Variants in NUP188 observed in about 807,000 individuals in gnomAD.
NUP188 encodes nucleoporin 188.
In NUP188, 97 loss-of-function variants were observed where a neutral mutation model predicts 223.0. The ratio of observed to expected loss-of-function variants is 0.43; its 90% CI spans 0.37 to 0.51. NUP188 has a LOEUF of 0.51. Ranked by LOEUF, NUP188 falls within the 20% of genes least tolerant of loss-of-function variation. NUP188 has a pLI of 0.00. For missense variants in NUP188, 1,947 were observed against 2,175.6 expected, an observed-to-expected ratio of 0.89 and a Z score of 2.09; for synonymous variants, 869 against 828.0, an observed-to-expected ratio of 1.05 and a Z score of -0.85.
chr9:128,983,353 T>C lies in NUP188; in HGVS notation c.1857T>C (p.Thr619=). Residue 619 remains threonine, a synonymous_variant, in exon 18 of 44, where the codon ACT becomes ACC. Transcript: ENST00000372577. ...DVIASCVNCL[T]VLAARNPAKV... is the part of the protein sequence containing the mutation. ...TTGCTTCTTGTGTCAACTGCTTAAC[T>C]GTTTTGGCTGCCCGCAATCCAGCAA... 6.2e-7 allele frequency: 1 copy of C among 1,614,230 alleles called. No homozygotes were observed. Among genetic ancestry groups the C allele is most frequent in the Non-Finnish European group, 8.5e-7 (1 of 1,180,050 alleles).
rs117364376 is a variant in NUP188 at position 128,991,253 on chromosome 9, G to A, written c.2640+1027G>A. Among the ~76,000 whole-genome samples, 401 of 148,030 alleles carry A rather than the reference G, an allele frequency of 2.7e-3. 7 individuals are homozygous for A. In the East Asian group the frequency reaches 0.042, roughly 16 times the overall value. ...TATCTGTGTTCTTGTATTTTAAAAA[G>A]TATCGGCTGGGCGCTGTGGCTCACA... On this transcript the variant is annotated intron_variant, in intron 25 of 43. Transcript: ENST00000372577.
chr9:128,952,899 T>G, intron 3 of NUP188, 53 bp downstream of exon 3: 1 of 1,360,146 alleles, frequency 7.4e-7, no homozygotes, highest in Non-Finnish European at 1.1e-6. Flanking sequence ...GAAGCTGACA[T>G]GGATAAAACC....
intron 12 of NUP188, among the ~76,000 whole-genome samples, chr9:128,974,819 C>T (rs1842151914): frequency 6.7e-6 from 1 of 149,500 alleles, no homozygotes. Context: ...AATACAGTGG[C>T]GCGATCTCGT....
rs749994062 is a variant in NUP188 at position 129,003,417 on chromosome 9, G to T, written c.4397G>T (p.Trp1466Leu). 1.1e-5 allele frequency: 18 copies of T among 1,612,886 alleles called. No homozygotes were observed. The highest frequency in any genetic ancestry group is 1.4e-5 in the Non-Finnish European group (17 of 1,179,992). The change falls in exon 38 of 44, where the codon TGG becomes TTG. Residue 1466 changes from tryptophan (W) to leucine (L), a missense_variant. Trp to Leu is a moderately conservative substitution (Grantham distance 61). Transcript: ENST00000372577. ...CAGCTCTCTAACTTCATGAAGGAGT[G>T]GCACTTCCACCTGCCTCAGCTCATG... ...ILQLSNFMKE[W>L]HFHLPQLMRD... is the part of the protein sequence containing the mutation.
intron 11 of NUP188, among the ~76,000 whole-genome samples, chr9:128,971,687 G>A (rs1295946699): frequency 6.6e-6 from 1 of 152,160 alleles, no homozygotes; most frequent in African/African-American, 2.4e-5. Flanking sequence ...CAAAGTGCTG[G>A]GATTACAGGC....
intron 31 of NUP188, 42 bp from the exon 32 acceptor site, chr9:128,998,496 A>G: frequency 6.4e-7 from 1 of 1,553,462 alleles, no homozygotes; most frequent in Non-Finnish European, 8.9e-7. Context: ...TGGCATGCGA[A>G]TCTTTCCACT....
At chr9:128,972,985 C>G (rs953020066) in intron 11 of NUP188, among the ~76,000 whole-genome samples, 175 bp from the exon 12 acceptor site, 3 of 152,172 alleles carry the variant, frequency 2.0e-5, no homozygotes, top group Non-Finnish European at 4.4e-5. Flanking sequence ...GTGGTTCCTG[C>G]TTTCTCTTTT....
In NUP188 at chr9:128,952,805, G is replaced by A. The variant is rs1841812036; in HGVS notation, c.120G>A (p.Trp40Ter). ...SQIEAELNKH[W>*]RRLLEGLSYY... is the part of the protein sequence containing the mutation. The stretch of plus-strand genomic sequence containing the variant: ...TTGAGGCAGAACTGAATAAACATTG[G>A]CGGCGATTGTTAGAGGGGCTTTCTT... The change falls in exon 3 of 44, where the codon TGG (tryptophan) becomes TGA (stop). Residue 40 changes from tryptophan to a stop codon, truncating the protein, a stop_gained. Coordinates refer to ENST00000372577, the MANE Select transcript of NUP188 (RefSeq NM_015354.3). LOFTEE classifies it high-confidence loss of function. 1 of 1,613,674 alleles carries A rather than the reference G, an allele frequency of 6.2e-7. No individual in the cohort carries two copies. Among genetic ancestry groups the A allele is most frequent in the Admixed American group, 1.7e-5 (1 of 59,962 alleles).
intron 10 of NUP188, among the ~76,000 whole-genome samples, chr9:128,970,017 T>G (rs1323113589): frequency 6.6e-6 from 1 of 152,174 alleles, no homozygotes. Flanking sequence ...AACCTCCACC[T>G]CCTGGGTTCA....
In NUP188 at chr9:128,999,299, C is replaced by T. The variant is rs747210263; in HGVS notation, c.3643C>T (p.Gln1215Ter). Residue 1215 changes from glutamine to a stop codon, truncating the protein, a stop_gained, in exon 33 of 44, where the codon CAA (glutamine) becomes TAA (stop). Transcript: ENST00000372577. LOFTEE classifies it high-confidence loss of function. The part of the protein sequence containing the change: ...KVFSAFITVL[Q>*]MKEMKVSDIP... ...GTTCTCAGCATTCATCACAGTGTTG[C>T]AAATGAAGGAGATGAAAGGTGAGGG... is the stretch of plus-strand genomic sequence containing the variant. The T allele has an allele frequency of 6.2e-7, 1 of 1,614,062 alleles. No homozygotes were observed. Among genetic ancestry groups the T allele is most frequent in the Non-Finnish European group, 8.5e-7 (1 of 1,179,984 alleles).
At chr9:128,991,632 A>C (rs1363559938) in intron 25 of NUP188, among the ~76,000 whole-genome samples, 4 of 151,952 alleles carry the variant, frequency 2.6e-5, no homozygotes, top group African/African-American at 7.2e-5. Flanking sequence ...GCCTGAGCTC[A>C]GGAGTTTGAA....
At chr9:128,981,574 A>G (rs111847713) in intron 15 of NUP188, among the ~76,000 whole-genome samples, 184 bp downstream of exon 15, 2 of 152,224 alleles carry the variant, frequency 1.3e-5, no homozygotes, top group South Asian at 2.1e-4. Context: ...CAATGCATCC[A>G]GGCAGTTACA....
chr9:129,005,120 C>T (rs780989875), intron 38 of NUP188, 27 bp from the exon 39 acceptor site: 152 of 1,581,274 alleles, frequency 9.6e-5, no homozygotes, highest in East Asian at 2.5e-4. Flanking sequence ...CAAGAGAATC[C>T]GCTCATCTCT....
At position 128,988,152 on chromosome 9, in the gene NUP188, G is replaced by A. The variant is rs1842365065; in HGVS notation, c.2499G>A (p.Val833=). The A allele has an allele frequency of 2.5e-6, 4 of 1,613,948 alleles. No homozygotes were observed. The highest frequency in any genetic ancestry group is 3.4e-6 in the Non-Finnish European group (4 of 1,179,992). The change falls in exon 24 of 44, where the codon GTG becomes GTA. Residue 833 remains valine, a synonymous_variant. Coordinates refer to ENST00000372577, the MANE Select transcript of NUP188 (RefSeq NM_015354.3). Reference sequence around the variant, plus strand: ...TTCGGCTGAAACCTCCTTCTAATGTGGTGTCCCCCCTGGAACAGGCTCTCT... The same window carrying A: ...TTCGGCTGAAACCTCCTTCTAATGTAGTGTCCCCCCTGGAACAGGCTCTCT... ...NVIRLKPPSN[V]VSPLEQALSQ... is the part of the protein sequence containing the mutation.
chr9:128,986,867 G>A lies in NUP188; in HGVS notation c.2256G>A (p.Leu752=). The A allele has an allele frequency of 6.2e-7, 1 of 1,613,964 alleles. No individual in the cohort carries two copies. The highest frequency in any genetic ancestry group is 8.5e-7 in the Non-Finnish European group (1 of 1,179,910). The change falls in exon 22 of 44, where the codon CTG becomes CTA. Residue 752 remains leucine, a synonymous_variant. Coordinates refer to ENST00000372577, the MANE Select transcript of NUP188 (RefSeq NM_015354.3). ...AILNLCHETD[L]HSSHTPSLQF... ...TGAACCTGTGCCACGAGACAGACCT[G>A]CACAGCAGGTAATGAAGGGTTGATT...
Position 128,969,691 on chromosome 9 carries a change from G to C in NUP188, c.912+177G>C, listed in dbSNP as rs1842079847. ...GTTTTTTGAGATGAAGTCTAGCTCT[G>C]TCACCATGCTGGAATGCAGTGGCGT... is the stretch of plus-strand genomic sequence containing the variant. On this transcript the variant is annotated intron_variant, in intron 10 of 43. Transcript: ENST00000372577. Among the ~76,000 whole-genome samples the C allele has an allele frequency of 2.0e-5, 3 of 152,194 alleles. No individual in the cohort carries two copies. In the South Asian group the frequency reaches 6.2e-4, roughly 32 times the overall value.
chr9:128,983,718 C>G (rs1842289942), intron 19 of NUP188, among the ~76,000 whole-genome samples, 168 bp downstream of exon 19: 1 of 152,078 alleles, frequency 6.6e-6, no homozygotes, highest in Non-Finnish European at 1.5e-5. Context: ...CAGCCTCCGC[C>G]TCCCATGTTC....
Position 129,001,720 on chromosome 9 carries a change from C to T in NUP188, c.4035C>T (p.Arg1345=). ...TGCATCTGCTCCTCACCCTGGCTCG[C>T]ACTCAGCAGGTAGGAGGCCAGCCCG... The part of the protein sequence containing the change: ...ATLHLLLTLA[R]TQQGATAVAG... Residue 1345 remains arginine (R), a synonymous_variant, in exon 35 of 44, where the codon CGC becomes CGT. Coordinates refer to ENST00000372577, the MANE Select transcript of NUP188 (RefSeq NM_015354.3). The T allele has an allele frequency of 6.2e-7, 1 of 1,613,596 alleles. No individual in the cohort carries two copies. Among genetic ancestry groups the T allele is most frequent in the Non-Finnish European group, 8.5e-7 (1 of 1,179,890 alleles).
chr9:128,953,691 C>G (rs1841827496), intron 3 of NUP188, among the ~76,000 whole-genome samples: 1 of 152,148 alleles, frequency 6.6e-6, no homozygotes, highest in Non-Finnish European at 1.5e-5. Context: ...TCTATATTAT[C>G]ACATTTAGGT....
Sources: gnomAD v4.1 joint callset for allele counts (sites outside exome capture counted in the v4.1 genomes callset) on GRCh38, gnomAD v4.1.1 for gene constraint, MANE v1.5 for transcripts, NCBI Gene and HGNC (gene_info 2026-07-23, HGNC 2026-07-21) for gene names.